Variants in CSMD1 observed in about 807,000 individuals in gnomAD.
The protein encoded by CSMD1 is CUB and Sushi multiple domains 1.
Under a neutral mutation model 417.5 loss-of-function variants are expected in CSMD1, and 213 were observed. That is an observed-to-expected ratio of 0.51 (90% confidence interval 0.46 to 0.57). The LOEUF (loss-of-function observed/expected upper bound fraction) is 0.57. CSMD1 is among the 20% of genes least tolerant of loss of function. The probability of loss-of-function intolerance (pLI) is 0.00; values close to 1 mark genes in which losing one functional copy is unlikely to be tolerated. For synonymous variants in CSMD1, 2,862 were observed against 1,736.8 expected (o/e 1.65, Z -16.11); for missense variants, 6,923 against 4,529.7 (o/e 1.53, Z -15.17).
intron 5 of CSMD1, among the ~76,000 whole-genome samples, chr8:3,765,994 G>T (rs1044586776): frequency 6.6e-6 from 1 of 152,238 alleles, no homozygotes; most frequent in East Asian, 1.9e-4. Context: ...CAGGCAGAGA[G>T]GATCATTTGG....
intron 1 of CSMD1, among the ~76,000 whole-genome samples, chr8:4,661,574 C>G (rs569236388): frequency 7.2e-5 from 11 of 152,248 alleles, no homozygotes; most frequent in African/African-American, 2.4e-4. Context: ...ATGTGTTCAT[C>G]TCAATACCTT....
intron 7 of CSMD1, among the ~76,000 whole-genome samples, chr8:3,665,204 G>A (rs1798622415): frequency 6.6e-6 from 1 of 152,142 alleles, no homozygotes; most frequent in South Asian, 2.1e-4. Context: ...ATCTTTTACT[G>A]ATATATTGTT....
chr8:3,699,404 T>A (rs1039706771), intron 7 of CSMD1, among the ~76,000 whole-genome samples: 42 of 152,244 alleles, frequency 2.8e-4, no homozygotes, highest in Non-Finnish European at 5.9e-4. Flanking sequence ...AACATTTTGA[T>A]AATGGGCACA....
chr8:4,902,264 G>T (rs996605291), intron 1 of CSMD1, among the ~76,000 whole-genome samples: 1 of 145,168 alleles, frequency 6.9e-6, no homozygotes, highest in Non-Finnish European at 1.5e-5. Flanking sequence ...AAAACATCTC[G>T]CTCTATCTAT....
chr8:4,917,494 C>T (rs1806144052), intron 1 of CSMD1, among the ~76,000 whole-genome samples: 1 of 152,056 alleles, frequency 6.6e-6, no homozygotes, highest in Admixed American at 6.6e-5. Flanking sequence ...ATTAGCCGGG[C>T]ATGGTGGCGG....
chr8:4,617,722 C>T (rs1359584956), intron 2 of CSMD1, among the ~76,000 whole-genome samples: 2 of 152,156 alleles, frequency 1.3e-5, no homozygotes, highest in African/African-American at 2.4e-5. Context: ...CACTTATTAC[C>T]TACCCCAACA....
chr8:3,943,398 G>A (rs1255934415), intron 5 of CSMD1, among the ~76,000 whole-genome samples: 2 of 139,682 alleles, frequency 1.4e-5, no homozygotes, highest in Admixed American at 7.4e-5. Flanking sequence ...ATATTAGAAT[G>A]TCTTATAAGT....
At chr8:4,528,820 A>G (rs568643625) in intron 2 of CSMD1, among the ~76,000 whole-genome samples, 193 of 152,048 alleles carry the variant, frequency 1.3e-3, no homozygotes, top group African/African-American at 4.0e-3. Context: ...ACACACACAC[A>G]CCATGAAAAC....
intron 3 of CSMD1, among the ~76,000 whole-genome samples, chr8:4,316,588 T>C (rs1163350701): frequency 6.6e-6 from 1 of 152,098 alleles, no homozygotes; most frequent in Non-Finnish European, 1.5e-5. Context: ...CATCGAGTCC[T>C]AAGACTTGGT....
chr8:3,028,929 G>A (rs1810137317), intron 51 of CSMD1, among the ~76,000 whole-genome samples: 1 of 152,142 alleles, frequency 6.6e-6, no homozygotes, highest in Non-Finnish European at 1.5e-5. Context: ...TGTGAAAACA[G>A]TCTTTATTTG....
intron 10 of CSMD1, among the ~76,000 whole-genome samples, chr8:3,554,988 G>A (rs1799080942): frequency 6.6e-6 from 1 of 152,150 alleles, no homozygotes. Flanking sequence ...GTCAGAAGCA[G>A]GAAACACCAC....
chr8:3,336,285 G>T (rs1227740302), intron 23 of CSMD1, among the ~76,000 whole-genome samples: 2 of 152,064 alleles, frequency 1.3e-5, no homozygotes. Flanking sequence ...TGTTTCCAAG[G>T]CCCCTGAACC....
chr8:3,362,505 C>A (rs911289396), intron 20 of CSMD1, among the ~76,000 whole-genome samples: 1 of 152,208 alleles, frequency 6.6e-6, no homozygotes, highest in African/African-American at 2.4e-5. Flanking sequence ...TCCTAACTCA[C>A]TGGACCCAAC....
rs145688390 is a variant in CSMD1, at chr8:3,099,852, T to C, written c.6950-2815A>G. ...TAATTCCCACTAGTTTACAGAGGAC[T>C]CTCAGTTTCTACAATTCTCTCCAAC... On this transcript the variant is annotated intron_variant, in intron 46 of 69. Transcript: ENST00000635120. 1.2e-3 allele frequency among the ~76,000 whole-genome samples: 190 copies of C among 152,318 alleles called. 1 individual carries two copies. The highest frequency in any genetic ancestry group is 4.1e-3 in the African/African-American group (169 of 41,584).
chr8:4,551,065 G>C (rs1797848506), intron 2 of CSMD1, among the ~76,000 whole-genome samples: 1 of 152,094 alleles, frequency 6.6e-6, no homozygotes, highest in East Asian at 1.9e-4. Context: ...CTCAAAACTA[G>C]ATTCACTATT....
intron 3 of CSMD1, among the ~76,000 whole-genome samples, chr8:4,318,259 A>G (rs1563445472): frequency 6.6e-6 from 1 of 152,158 alleles, no homozygotes; most frequent in Non-Finnish European, 1.5e-5. Context: ...GACACTTGGT[A>G]ACATTTTTCC....
chr8:4,367,432 A>G (rs1270642123), intron 3 of CSMD1, among the ~76,000 whole-genome samples: 1 of 152,086 alleles, frequency 6.6e-6, no homozygotes, highest in African/African-American at 2.4e-5. Context: ...CTATTTCTGT[A>G]CCAGTACCAT....
intron 3 of CSMD1, among the ~76,000 whole-genome samples, chr8:4,244,359 G>T (rs1331000395): frequency 6.6e-6 from 1 of 152,098 alleles, no homozygotes; most frequent in African/African-American, 2.4e-5. Flanking sequence ...ATTTTAATAG[G>T]TAGAAAGACC....
chr8:3,167,215 G>A (rs1820279925), intron 37 of CSMD1, among the ~76,000 whole-genome samples: 1 of 151,048 alleles, frequency 6.6e-6, no homozygotes, highest in African/African-American at 2.4e-5. Context: ...AACCCAGGAG[G>A]CGGAGGTTGC....
Sources: gnomAD v4.1 joint callset for allele counts (sites outside exome capture counted in the v4.1 genomes callset) on GRCh38, gnomAD v4.1.1 for gene constraint, MANE v1.5 for transcripts, NCBI Gene and HGNC (gene_info 2026-07-23, HGNC 2026-07-21) for gene names.